HIVEP2: variants seen among roughly 807,000 people sequenced by gnomAD.
The protein encoded by HIVEP2 is HIVEP zinc finger 2.
In HIVEP2, 14 loss-of-function variants were observed where a neutral mutation model predicts 180.7. The ratio of observed to expected loss-of-function variants is 0.08; its 90% CI spans 0.05 to 0.12. The LOEUF (loss-of-function observed/expected upper bound fraction) is 0.12. Ranked by LOEUF, HIVEP2 falls within the 10% of genes least tolerant of loss-of-function variation. The probability of loss-of-function intolerance (pLI) is 1.00; values close to 1 mark genes in which losing one functional copy is unlikely to be tolerated. For missense variants in HIVEP2, 2,579 were observed against 3,008.5 expected, an observed-to-expected ratio of 0.86 and a Z score of 3.34; for synonymous variants, 1,184 against 1,136.4, an observed-to-expected ratio of 1.04 and a Z score of -0.84.
intron 1 of HIVEP2, among the ~76,000 whole-genome samples, chr6:142,939,933 T>G (rs927676842): frequency 6.6e-6 from 1 of 152,178 alleles, no homozygotes; most frequent in Admixed American, 6.5e-5. Context: ...TAAAGGAAAG[T>G]GATTTTCACT....
chr6:142,902,929 C>T (rs1777167300), intron 1 of HIVEP2, among the ~76,000 whole-genome samples: 1 of 152,156 alleles, frequency 6.6e-6, no homozygotes, highest in Non-Finnish European at 1.5e-5. Flanking sequence ...TGTGATGAAA[C>T]AGGATGTTGG....
chr6:142,843,212 A>T (rs943647329), intron 1 of HIVEP2, among the ~76,000 whole-genome samples: 1 of 152,216 alleles, frequency 6.6e-6, no homozygotes, highest in Non-Finnish European at 1.5e-5. Context: ...GCTGGTCTAC[A>T]CTTTGAGAAG....
chr6:142,752,893 C>A lies in HIVEP2; in HGVS notation c.*214G>T. The A allele has an allele frequency of 3.9e-6, 2 of 519,068 alleles. No individual in the cohort carries two copies. Among genetic ancestry groups the A allele is most frequent in the South Asian group, 6.0e-5 (2 of 33,498 alleles). 32.2% of individuals were successfully genotyped at this position (519,068 alleles called of 1,614,324 possible). On this transcript the variant is annotated 3_prime_UTR_variant, in exon 10 of 10. Coordinates refer to ENST00000367603, the MANE Select transcript of HIVEP2 (RefSeq NM_006734.4). ...AAACATCTGTACAATTTTAAAAGTA[C>A]CAGACCCAATAGGTTAATTTCAAAT...
At chr6:142,813,928 T>G (rs1776766378) in intron 2 of HIVEP2, among the ~76,000 whole-genome samples, 1 of 151,960 alleles carries the variant, frequency 6.6e-6, no homozygotes, top group Non-Finnish European at 1.5e-5. Flanking sequence ...TTTATTGACT[T>G]TCTAGCAGAT....
chr6:142,771,883 C>T lies in HIVEP2; in HGVS notation c.2856G>A (p.Gly952=). 3.1e-6 allele frequency: 5 copies of T among 1,614,188 alleles called. No individual in the cohort carries two copies. The highest frequency in any genetic ancestry group is 4.2e-6 in the Non-Finnish European group (5 of 1,180,042). The stretch of plus-strand genomic sequence containing the variant: ...TGCCTGTGGATTCAAAGCTGGACTC[C>T]CCTGAGGAGTGCTCCATATCTGCAA... The part of the protein sequence containing the change: ...LRLADMEHSS[G]ESSFESTGTG... The change falls in exon 5 of 10, where the codon GGG becomes GGA. Residue 952 remains glycine (G), a synonymous_variant. Coordinates refer to ENST00000367603, the MANE Select transcript of HIVEP2 (RefSeq NM_006734.4). The surrounding 1 kb of genome is among the most constrained non-coding windows in gnomAD (Gnocchi z 5.4).
intron 2 of HIVEP2, among the ~76,000 whole-genome samples, chr6:142,834,310 T>C (rs1007202816): frequency 1.3e-5 from 2 of 152,184 alleles, no homozygotes; most frequent in Admixed American, 1.3e-4. Context: ...AATTATGTAT[T>C]TTGGACTTCC....
intron 2 of HIVEP2, among the ~76,000 whole-genome samples, chr6:142,807,585 C>A (rs1284966911): frequency 6.6e-6 from 1 of 151,436 alleles, no homozygotes; most frequent in Non-Finnish European, 1.5e-5. Context: ...ACCCCAAACG[C>A]CTTAAACAGT....
At chr6:142,846,775 G>A (rs965679118) in intron 1 of HIVEP2, among the ~76,000 whole-genome samples, 2 of 151,970 alleles carry the variant, frequency 1.3e-5, no homozygotes, top group African/African-American at 2.4e-5. Context: ...ATTTCACAGC[G>A]TTTTGCAAAA....
intron 7 of HIVEP2, among the ~76,000 whole-genome samples, chr6:142,764,034 C>T (rs1185937860): frequency 6.6e-6 from 1 of 152,148 alleles, no homozygotes; most frequent in Non-Finnish European, 1.5e-5. Flanking sequence ...ATAGTATCCA[C>T]TAAACCTAAG....
intron 1 of HIVEP2, among the ~76,000 whole-genome samples, chr6:142,874,649 GAGA>G (rs1260959196): frequency 1.3e-5 from 2 of 152,106 alleles, no homozygotes; most frequent in African/African-American, 2.4e-5. Context: ...AGAGTCAAAA[GAGA>G]AGAAGGAAAA....
rs116746549 is a variant in HIVEP2, at chr6:142,850,862, C to T, written c.-640-13815G>A. ...GGGTCATACCTCACCGTGGTTCTCA[C>T]CCTGAACACTGTCGCAGGACAAGAA... On this transcript the variant is annotated intron_variant, in intron 1 of 9. Coordinates refer to ENST00000367603, the MANE Select transcript of HIVEP2 (RefSeq NM_006734.4). 7.6e-3 allele frequency among the ~76,000 whole-genome samples: 1,151 copies of T among 152,300 alleles called. 14 individuals carry two copies. Among genetic ancestry groups the T allele is most frequent in the African/African-American group, 0.025 (1,056 of 41,554 alleles).
chr6:142,937,010 T>A (rs1157461749), intron 1 of HIVEP2, among the ~76,000 whole-genome samples: 1 of 152,138 alleles, frequency 6.6e-6, no homozygotes, highest in Non-Finnish European at 1.5e-5. Context: ...CCACGAGTAA[T>A]CACTGGTCCT....
intron 2 of HIVEP2, among the ~76,000 whole-genome samples, chr6:142,795,946 G>C (rs1038566191): frequency 1.3e-5 from 2 of 152,100 alleles, no homozygotes; most frequent in African/African-American, 4.8e-5. Context: ...GTTGGAGCTT[G>C]AGTTTCCTCA....
intron 1 of HIVEP2, among the ~76,000 whole-genome samples, chr6:142,839,563 A>G (rs959536966): frequency 6.6e-6 from 1 of 152,164 alleles, no homozygotes; most frequent in Admixed American, 6.6e-5. Context: ...CGCATGTAAT[A>G]AATCAGATGT....
At position 142,769,701 on chromosome 6, in the gene HIVEP2, G is replaced by C. The variant is rs1472393963; in HGVS notation, c.5038C>G (p.Pro1680Ala). ...YASWCISSCNPNPSGLNTKTT... is the reference protein window; with the variant it reads ...YASWCISSCNANPSGLNTKTT... ...TTGGTGTTCAATCCTGATGGGTTTG[G>C]ATTACAGGAACTAATGCACCATGAA... The change falls in exon 5 of 10, where the codon CCA becomes GCA. Residue 1680 changes from proline to alanine, a missense_variant. This residue lies in a region of HIVEP2 where 349 missense variants were observed against 367.2 expected (regional missense o/e 0.95). Coordinates refer to ENST00000367603, the MANE Select transcript of HIVEP2 (RefSeq NM_006734.4). 6.2e-7 allele frequency: 1 copy of C among 1,614,080 alleles called. No homozygotes were observed. Among genetic ancestry groups the C allele is most frequent in the Non-Finnish European group, 8.5e-7 (1 of 1,180,048 alleles).
In HIVEP2 at chr6:142,813,821, C is replaced by T. The variant is rs1776761920; in HGVS notation, c.-528+23114G>A. On this transcript the variant is annotated intron_variant, in intron 2 of 9. Coordinates refer to ENST00000367603, the MANE Select transcript of HIVEP2 (RefSeq NM_006734.4). ...ACTCAAAGGATCCTTCTGCCTCAGC[C>T]TCCCAAAGTGCTGGGATTACAGGCA... 2.0e-5 allele frequency among the ~76,000 whole-genome samples: 3 copies of T among 151,970 alleles called. No individual in the cohort carries two copies. The South Asian group carries it at 6.2e-4, about 32-fold the overall frequency.
intron 1 of HIVEP2, among the ~76,000 whole-genome samples, chr6:142,853,066 T>C (rs780849257): frequency 6.6e-6 from 1 of 152,364 alleles, no homozygotes; most frequent in Non-Finnish European, 1.5e-5. Context: ...TATTTTCTTA[T>C]TGACTTCCTT....
At chr6:142,902,303 C>A (rs897147371) in intron 1 of HIVEP2, among the ~76,000 whole-genome samples, 2 of 149,286 alleles carry the variant, frequency 1.3e-5, no homozygotes, top group Admixed American at 1.3e-4. Flanking sequence ...ATGGGAACCT[C>A]GCCTGGTGGT....
At position 142,828,629 on chromosome 6, in the gene HIVEP2, A is replaced by G. The variant is rs1356028497; in HGVS notation, c.-528+8306T>C. ...TTTTTGTATTTAGAGATGGGGTTTC[A>G]CCATGTTGGTCAGGCTGGTCTCGAA... On this transcript the variant is annotated intron_variant, in intron 2 of 9. Coordinates refer to ENST00000367603, the MANE Select transcript of HIVEP2 (RefSeq NM_006734.4). 2.0e-5 allele frequency among the ~76,000 whole-genome samples: 3 copies of G among 151,806 alleles called. No homozygotes were observed. In the East Asian group the frequency reaches 5.8e-4, roughly 29 times the overall value.
Sources: gnomAD v4.1 joint callset for allele counts (sites outside exome capture counted in the v4.1 genomes callset) on GRCh38, gnomAD v4.1.1 for gene constraint, gnomAD v4.1.1 regional missense constraint, Gnocchi (gnomAD v3.1) non-coding constraint, MANE v1.5 for transcripts, NCBI Gene and HGNC (gene_info 2026-07-23, HGNC 2026-07-21) for gene names.